SOX5: variants seen among roughly 807,000 people sequenced by gnomAD.
The protein encoded by SOX5 is transcription factor SOX-5.
In SOX5, 9 loss-of-function variants were observed where a neutral mutation model predicts 92.0. The ratio of observed to expected loss-of-function variants is 0.10; its 90% CI spans 0.06 to 0.17. The LOEUF (loss-of-function observed/expected upper bound fraction) is 0.17. Among genes scored for constraint, SOX5 ranks in the 10% least tolerant of loss-of-function variants. The probability of loss-of-function intolerance (pLI) is 1.00; values close to 1 mark genes in which losing one functional copy is unlikely to be tolerated. For synonymous variants in SOX5, 344 were observed against 336.3 expected (o/e 1.02, Z -0.25); for missense variants, 642 against 944.5 (o/e 0.68, Z 4.20).
intron 4 of SOX5, among the ~76,000 whole-genome samples, chr12:24,046,519 A>C (rs2137059805): frequency 6.6e-6 from 1 of 152,280 alleles, no homozygotes; most frequent in East Asian, 1.9e-4. Context: ...CATTATCAGA[A>C]TTCAAATATT....
At chr12:23,706,219 TAA>T (rs1470541797) in intron 6 of SOX5, among the ~76,000 whole-genome samples, 4 of 152,026 alleles carry the variant, frequency 2.6e-5, no homozygotes, top group African/African-American at 9.7e-5. Flanking sequence ...TAAAAGTAGA[TAA>T]AAGAGTACAA....
At chr12:23,927,471 C>T (rs1372585821) in intron 1 of SOX5, among the ~76,000 whole-genome samples, 2 of 152,012 alleles carry the variant, frequency 1.3e-5, no homozygotes, top group African/African-American at 4.8e-5. Context: ...TATGGACATA[C>T]ATATAGGCAG....
At chr12:24,540,356 A>T (rs1251214886) in intron 1 of SOX5, among the ~76,000 whole-genome samples, 1 of 152,100 alleles carries the variant, frequency 6.6e-6, no homozygotes, top group Non-Finnish European at 1.5e-5. Context: ...ATCTAAGTTC[A>T]AATGTATTTT....
chr12:23,712,376 T>G (rs2092134882), intron 6 of SOX5, among the ~76,000 whole-genome samples: 1 of 152,164 alleles, frequency 6.6e-6, no homozygotes, highest in Non-Finnish European at 1.5e-5. Context: ...ACAGATTTCC[T>G]CCACTGAACT....
At chr12:24,070,813 G>A (rs1213510611) in intron 4 of SOX5, among the ~76,000 whole-genome samples, 4 of 152,062 alleles carry the variant, frequency 2.6e-5, no homozygotes, top group Non-Finnish European at 4.4e-5. Context: ...AATCATCCTC[G>A]GATTGAGATA....
intron 3 of SOX5, among the ~76,000 whole-genome samples, chr12:23,801,559 C>T (rs2095659395): frequency 6.6e-6 from 1 of 152,066 alleles, no homozygotes; most frequent in South Asian, 2.1e-4. Context: ...TAAAAAGTAG[C>T]TTAATGTAGT....
intron 1 of SOX5, among the ~76,000 whole-genome samples, chr12:24,451,069 A>G (rs1224799487): frequency 6.6e-6 from 1 of 152,148 alleles, no homozygotes; most frequent in African/African-American, 2.4e-5. Context: ...TGCCTGGCTT[A>G]TTTCACTTAA....
chr12:24,053,179 C>CG (rs1491382799), intron 4 of SOX5, among the ~76,000 whole-genome samples: 4 of 100,972 alleles, frequency 4.0e-5, no homozygotes, highest in Admixed American at 1.7e-4. Flanking sequence ...CTACTGCACG[C>CG]CCCCCCCCTT....
intron 8 of SOX5, among the ~76,000 whole-genome samples, chr12:23,632,465 C>T (rs2078669745): frequency 6.6e-6 from 1 of 152,110 alleles, no homozygotes; most frequent in African/African-American, 2.4e-5. Context: ...TAAAAATCCT[C>T]ACATCTAGAT....
chr12:24,479,419 C>T (rs903741380), intron 1 of SOX5, among the ~76,000 whole-genome samples: 1 of 152,158 alleles, frequency 6.6e-6, no homozygotes, highest in African/African-American at 2.4e-5. Flanking sequence ...AAGCACTTTA[C>T]ATAAATATGT....
At chr12:23,721,840 T>C (rs1006517112) in intron 6 of SOX5, among the ~76,000 whole-genome samples, 1 of 152,212 alleles carries the variant, frequency 6.6e-6, no homozygotes, top group Non-Finnish European at 1.5e-5. Context: ...CAAGGAAGCT[T>C]GAAAAATTAT....
intron 4 of SOX5, among the ~76,000 whole-genome samples, chr12:24,127,834 C>A (rs1343423847): frequency 6.6e-6 from 1 of 152,144 alleles, no homozygotes; most frequent in East Asian, 1.9e-4. Flanking sequence ...TTAGAGGCAA[C>A]ACCGTCTCAT....
At chr12:23,659,974 G>C (rs968177750) in intron 7 of SOX5, among the ~76,000 whole-genome samples, 3 of 152,064 alleles carry the variant, frequency 2.0e-5, no homozygotes, top group Admixed American at 6.6e-5. Context: ...ATGAAAAAAA[G>C]AAAAGAAAAA....
At chr12:23,929,463 A>G (rs1313856951) in intron 1 of SOX5, among the ~76,000 whole-genome samples, 1 of 151,920 alleles carries the variant, frequency 6.6e-6, no homozygotes, top group Non-Finnish European at 1.5e-5. Context: ...TCTCCTAAGT[A>G]TGAGTCAAAG....
chr12:24,472,386 G>A (rs900037902), intron 1 of SOX5, among the ~76,000 whole-genome samples: 2 of 152,158 alleles, frequency 1.3e-5, no homozygotes, highest in African/African-American at 4.8e-5. Flanking sequence ...GCAGTAGCAG[G>A]CCTGATACTC....
At chr12:23,550,534 G>T (rs1943996483) in intron 11 of SOX5, among the ~76,000 whole-genome samples, 1 of 151,886 alleles carries the variant, frequency 6.6e-6, no homozygotes, top group South Asian at 2.1e-4. Context: ...TTAAATTTCA[G>T]TATTAAGTAG....
intron 2 of SOX5, among the ~76,000 whole-genome samples, chr12:24,326,131 A>G (rs1005525151): frequency 7.2e-5 from 11 of 152,208 alleles, no homozygotes; most frequent in Non-Finnish European, 1.6e-4. Context: ...TCTGTACAGC[A>G]TCTGGCACAG....
intron 8 of SOX5, among the ~76,000 whole-genome samples, chr12:23,638,849 G>T (rs1264900387): frequency 1.3e-5 from 2 of 150,646 alleles, no homozygotes; most frequent in Non-Finnish European, 3.0e-5. Flanking sequence ...CATGCTTTGG[G>T]CATGTGTTTG....
intron 1 of SOX5, among the ~76,000 whole-genome samples, chr12:24,524,384 T>TATCC (rs1247343575): frequency 6.1e-4 from 77 of 125,346 alleles, no homozygotes; most frequent in Admixed American, 1.5e-3. Flanking sequence ...TCTATCTATC[T>TATCC]ATCCATCCAT....
Sources: gnomAD v4.1 joint callset for allele counts (sites outside exome capture counted in the v4.1 genomes callset) on GRCh38, gnomAD v4.1.1 for gene constraint, MANE v1.5 for transcripts, NCBI Gene and HGNC (gene_info 2026-07-23, HGNC 2026-07-21) for gene names.